RCOR1: variants seen among roughly 807,000 people sequenced by gnomAD.
RCOR1 encodes REST corepressor 1, also known as REST corepressor.
RCOR1 carries 12 observed loss-of-function variants against 64.0 expected under a neutral mutation model. That is an observed-to-expected ratio of 0.19 (90% CI 0.12 to 0.30). The LOEUF (loss-of-function observed/expected upper bound fraction) is 0.30, where lower values mean the gene tolerates loss of function less well. RCOR1 is among the 10% of genes least tolerant of loss of function. The pLI is 1.00. For synonymous variants in RCOR1, 279 were observed against 227.2 expected, an observed-to-expected ratio of 1.23 and a Z score of -2.05; for missense variants, 502 against 621.2, an observed-to-expected ratio of 0.81 and a Z score of 2.04.
chr14:102,664,225 CCT>C (rs1272486684), intron 2 of RCOR1, among the ~76,000 whole-genome samples: 1 of 152,110 alleles, frequency 6.6e-6, no homozygotes, highest in African/African-American at 2.4e-5. Flanking sequence ...CATCCCTCAG[CCT>C]CTCTAGTAGC....
Position 102,592,656 on chromosome 14 carries a change from G to C in RCOR1, c.-231G>C. 7 of 1,218,430 alleles carry C rather than the reference G, an allele frequency of 5.7e-6. No homozygotes were observed. The highest frequency in any genetic ancestry group is 7.1e-6 in the Non-Finnish European group (7 of 980,066). 75.5% of individuals were successfully genotyped at this position (1,218,430 alleles called of 1,614,324 possible). On this transcript the variant is annotated 5_prime_UTR_variant, in exon 1 of 12. Transcript: ENST00000262241. ...GCTGCTCCCGGAGTAGTTGGTGCCA[G>C]TGAAGTGAGGGCGGCGATGAGAGCG... is the stretch of plus-strand genomic sequence containing the variant.
At chr14:102,701,062 C>T (rs555419808) in intron 3 of RCOR1, among the ~76,000 whole-genome samples, 6 of 152,198 alleles carry the variant, frequency 3.9e-5, no homozygotes, top group Non-Finnish European at 5.9e-5. Flanking sequence ...GAGAATAGCA[C>T]AGGAAAGCCC....
intron 4 of RCOR1, among the ~76,000 whole-genome samples, chr14:102,706,841 A>AATC (rs1895868989): frequency 6.6e-6 from 1 of 151,318 alleles, no homozygotes; most frequent in African/African-American, 2.4e-5. Context: ...TAATAATAAT[A>AATC]ATAATAAATT....
At chr14:102,634,630 A>G (rs7150118) in intron 2 of RCOR1, among the ~76,000 whole-genome samples, 128 of 149,360 alleles carry the variant, frequency 8.6e-4, no homozygotes, top group African/African-American at 2.9e-3. Flanking sequence ...GTGTGTGTGT[A>G]TGTGTGTATA....
chr14:102,677,149 G>T (rs1413753232), intron 2 of RCOR1, among the ~76,000 whole-genome samples: 1 of 137,220 alleles, frequency 7.3e-6, no homozygotes, highest in African/African-American at 2.8e-5. Flanking sequence ...CGGCTGGCCG[G>T]GCGGGGGGCT....
rs1555460975 is a variant in RCOR1, at chr14:102,599,808, GT to G, written c.361+6495del. 1.2e-3 allele frequency among the ~76,000 whole-genome samples: 51 copies of G among 41,716 alleles called. 1 individual carries two copies. Among genetic ancestry groups the G allele is most frequent in the South Asian group, 0.012 (9 of 774 alleles). 27.4% of individuals were successfully genotyped at this position (41,716 alleles called of 152,430 possible). On this transcript the variant is annotated intron_variant, in intron 2 of 11. Transcript: ENST00000262241. ...ATGCTTTGTGGTTTTGTTTTGTTTT[GT>G]TTTTTTTTTTTGAAACAAGGTCTTG... is the stretch of plus-strand genomic sequence containing the variant.
chr14:102,705,380 T>A (rs1555467294), intron 4 of RCOR1, among the ~76,000 whole-genome samples: 1 of 152,214 alleles, frequency 6.6e-6, no homozygotes, highest in Non-Finnish European at 1.5e-5. Context: ...GTACTAAATC[T>A]TTCTTTCTAG....
chr14:102,637,585 G>A (rs1894271000), intron 2 of RCOR1, among the ~76,000 whole-genome samples: 1 of 152,090 alleles, frequency 6.6e-6, no homozygotes, highest in Non-Finnish European at 1.5e-5. Flanking sequence ...CAAGTAGCTA[G>A]GACCACAGGC....
At chr14:102,598,461 T>C (rs1167472939) in intron 2 of RCOR1, among the ~76,000 whole-genome samples, 2 of 151,038 alleles carry the variant, frequency 1.3e-5, no homozygotes, top group East Asian at 3.9e-4. Flanking sequence ...TTTTTTTTTT[T>C]TTTTGAGACG....
intron 2 of RCOR1, among the ~76,000 whole-genome samples, chr14:102,615,788 C>G (rs1424032507): frequency 6.6e-6 from 1 of 152,120 alleles, no homozygotes; most frequent in Non-Finnish European, 1.5e-5. Context: ...TGCTATTAAA[C>G]AAGTTTGAAA....
intron 2 of RCOR1, among the ~76,000 whole-genome samples, chr14:102,677,962 G>A (rs1261904717): frequency 8.9e-4 from 116 of 130,688 alleles, no homozygotes; most frequent in East Asian, 1.6e-3. Flanking sequence ...ACCTCGGGAG[G>A]CCGAGGCTGG....
intron 2 of RCOR1, among the ~76,000 whole-genome samples, chr14:102,626,945 A>G (rs1270308690): frequency 6.6e-6 from 1 of 152,160 alleles, no homozygotes; most frequent in African/African-American, 2.4e-5. Context: ...GAGAAACCAT[A>G]CTGATCACTC....
At chr14:102,650,324 C>G (rs1054397321) in intron 2 of RCOR1, among the ~76,000 whole-genome samples, 1 of 141,502 alleles carries the variant, frequency 7.1e-6, no homozygotes, top group Non-Finnish European at 1.5e-5. Flanking sequence ...GCAGTGAGTG[C>G]CACTGCACTT....
intron 2 of RCOR1, among the ~76,000 whole-genome samples, chr14:102,632,692 T>TTTTCC (rs1312468721): frequency 3.7e-4 from 44 of 119,098 alleles, no homozygotes; most frequent in Middle Eastern, 4.2e-3. Flanking sequence ...TTCCTTTTCC[T>TTTTCC]TTTCCTTTCC....
chr14:102,724,682 C>T (rs541742814), intron 11 of RCOR1, among the ~76,000 whole-genome samples: 17 of 152,228 alleles, frequency 1.1e-4, no homozygotes, highest in African/African-American at 3.9e-4. Context: ...CCACCCCTGC[C>T]CTGCCACCTA....
Position 102,680,869 on chromosome 14 carries a change from C to T in RCOR1, c.362-1026C>T, listed in dbSNP as rs76252960. On this transcript the variant is annotated intron_variant, in intron 2 of 11. Transcript: ENST00000262241. ...TGTCATATTTCTTTCTCATCTACAT[C>T]CTCTTCCCATCTGCAACAGAAATTC... 6.5e-4 allele frequency among the ~76,000 whole-genome samples: 99 copies of T among 152,316 alleles called. No individual in the cohort carries two copies. The East Asian group carries it at 0.018, about 27-fold the overall frequency.
intron 3 of RCOR1, among the ~76,000 whole-genome samples, chr14:102,698,919 C>T (rs1280697822): frequency 1.4e-5 from 2 of 147,864 alleles, no homozygotes; most frequent in African/African-American, 2.5e-5. Context: ...TAATTCCCTG[C>T]CCTGCCTTTT....
intron 3 of RCOR1, among the ~76,000 whole-genome samples, chr14:102,696,459 G>A (rs190735775): frequency 5.9e-5 from 9 of 152,300 alleles, no homozygotes; most frequent in Admixed American, 2.6e-4. Flanking sequence ...CGGCCAGGTT[G>A]CACAGGCAGG....
intron 2 of RCOR1, among the ~76,000 whole-genome samples, chr14:102,630,970 TC>T (rs1894099508): frequency 6.6e-6 from 1 of 152,060 alleles, no homozygotes; most frequent in African/African-American, 2.4e-5. Context: ...CCTCTCCTTT[TC>T]CAGTGAGGTC....
Sources: allele counts gnomAD v4.1 joint callset (sites outside exome capture counted in the v4.1 genomes callset), GRCh38; gene constraint gnomAD v4.1.1; transcripts MANE v1.5; gene names NCBI Gene and HGNC (gene_info 2026-07-23, HGNC 2026-07-21).